Variants in ATP6V1C1 observed in about 807,000 individuals in gnomAD.
ATP6V1C1 encodes the protein ATPase H+ transporting V1 subunit C1.
In ATP6V1C1, 45 loss-of-function variants were observed where a neutral mutation model predicts 53.9. That is an observed-to-expected ratio of 0.83 (90% CI 0.66 to 1.07). The LOEUF (loss-of-function observed/expected upper bound fraction) is 1.07. Among genes scored for constraint, ATP6V1C1 ranks in the 50% least tolerant of loss-of-function variants. The pLI, the probability that ATP6V1C1 is intolerant of heterozygous loss-of-function variation, is 0.00. For synonymous variants in ATP6V1C1, 153 were observed against 155.2 expected (o/e 0.99, Z 0.11); for missense variants, 315 against 440.3 (o/e 0.72, Z 2.55).
rs767825523 is a variant in ATP6V1C1, at chr8:103,062,161, G to GTTTTTT, written c.642-770_642-765dup. Among the ~76,000 whole-genome samples the GTTTTTT allele has an allele frequency of 3.5e-4, 25 of 70,790 alleles. 2 individuals carry two copies. The highest frequency in any genetic ancestry group is 8.3e-4 in the African/African-American group (14 of 16,962). 46.4% of individuals were successfully genotyped at this position (70,790 alleles called of 152,430 possible). A position where few individuals can be genotyped will look rare whatever the true frequency, so the allele number is the denominator to read the frequency against. On this transcript the variant is annotated intron_variant, in intron 8 of 12. Transcript: ENST00000518738. ...TATTTAGACAGTTGTGTTCATCAGGGTTTTTTTTTTTTTTTTTTTTTTTTT... is the reference window on the plus strand; with the variant it reads ...TATTTAGACAGTTGTGTTCATCAGGGTTTTTTTTTTTTTTTTTTTTTTTTTTTTTTT...
chr8:103,047,460 ACAC>A (rs566396485), intron 3 of ATP6V1C1, among the ~76,000 whole-genome samples: 9,710 of 107,244 alleles, frequency 0.091, 692 homozygotes, highest in African/African-American at 0.19. Flanking sequence ...ACACACACAC[ACAC>A]ATTTTTTTTT....
At chr8:103,053,460 T>C (rs948363797) in intron 6 of ATP6V1C1, among the ~76,000 whole-genome samples, 1 of 151,906 alleles carries the variant, frequency 6.6e-6, no homozygotes, top group South Asian at 2.1e-4. Context: ...GAGTTAATTA[T>C]TGGGTTAGCT....
chr8:103,027,345 C>G (rs932220737), intron 1 of ATP6V1C1, among the ~76,000 whole-genome samples: 1 of 152,142 alleles, frequency 6.6e-6, no homozygotes, highest in African/African-American at 2.4e-5. Flanking sequence ...GTTTGGTTTT[C>G]TTGAAAGCAT....
rs777471551 is a variant in ATP6V1C1, at chr8:103,051,139, G to A, written c.376G>A (p.Ala126Thr). 8.1e-6 allele frequency: 13 copies of A among 1,596,140 alleles called. No homozygotes were observed. The South Asian group carries it at 1.2e-4, about 15-fold the overall frequency. The change falls in exon 5 of 13, where the codon GCC (alanine) becomes ACC (threonine). Residue 126 changes from alanine (A) to threonine (T), a missense_variant. Coordinates refer to ENST00000518738, the MANE Select transcript of ATP6V1C1 (RefSeq NM_001695.5). ...QSLKNISEII[A>T]KGVTQIDNDL... ...CCTGAAAAATATTTCTGAAATAATT[G>A]CCAAGGTAAGATAATACTTGAGACA...
At chr8:103,046,112 C>T (rs1233138988) in intron 3 of ATP6V1C1, among the ~76,000 whole-genome samples, 1 of 152,030 alleles carries the variant, frequency 6.6e-6, no homozygotes, top group Non-Finnish European at 1.5e-5. Context: ...TTTATTTATA[C>T]CCTTATTAGT....
chr8:103,025,731 G>T (rs1449175611), intron 1 of ATP6V1C1, among the ~76,000 whole-genome samples: 1 of 152,198 alleles, frequency 6.6e-6, no homozygotes, highest in East Asian at 1.9e-4. Flanking sequence ...AACACATCTT[G>T]TGAGGGAATT....
intron 11 of ATP6V1C1, among the ~76,000 whole-genome samples, chr8:103,065,779 C>G (rs1270648563): frequency 6.6e-6 from 1 of 152,106 alleles, no homozygotes; most frequent in Non-Finnish European, 1.5e-5. Context: ...CGTGGTGGCT[C>G]ATGCCTGTAG....
rs565700326 is a variant in ATP6V1C1, at chr8:103,062,943, T to G, written c.642-12T>G. The G allele has an allele frequency of 4.1e-4, 658 of 1,609,128 alleles. 2 individuals are homozygous for G. The African/African-American group carries it at 7.9e-3, about 19-fold the overall frequency. ...GTATAAATCTTTAAATGGACTTTTTTTTTTTCCATAGTGTTCTTTCAGAGG... is the reference window on the plus strand; with the variant it reads ...GTATAAATCTTTAAATGGACTTTTTGTTTTTCCATAGTGTTCTTTCAGAGG... On this transcript the variant is annotated splice_polypyrimidine_tract_variant and intron_variant, in intron 8 of 12. Transcript: ENST00000518738.
At chr8:103,041,071 A>T in intron 2 of ATP6V1C1, 103 bp downstream of exon 2, 2 of 1,285,336 alleles carry the variant, frequency 1.6e-6, no homozygotes, top group East Asian at 2.6e-5. Flanking sequence ...TCCAAAGAAA[A>T]CCTCCTCTCC....
chr8:103,065,047 T>C (rs776313401), intron 11 of ATP6V1C1, among the ~76,000 whole-genome samples: 2 of 152,220 alleles, frequency 1.3e-5, no homozygotes, highest in Non-Finnish European at 2.9e-5. Flanking sequence ...AGGTTCTTTT[T>C]CTTGTGTAGG....
At chr8:103,063,939 C>G (rs530495070) in intron 10 of ATP6V1C1, among the ~76,000 whole-genome samples, 2 of 152,296 alleles carry the variant, frequency 1.3e-5, no homozygotes, top group Non-Finnish European at 2.9e-5. Flanking sequence ...GAAACTCATT[C>G]TAACCAAGTA....
intron 5 of ATP6V1C1, 124 bp from the exon 6 acceptor site, chr8:103,052,607 A>C: frequency 2.3e-6 from 1 of 438,814 alleles, no homozygotes; most frequent in South Asian, 6.4e-5. Context: ...AAAATAATAG[A>C]ATATTCTTAC....
At chr8:103,064,082 A>G (rs1817448676) in intron 10 of ATP6V1C1, among the ~76,000 whole-genome samples, 1 of 152,182 alleles carries the variant, frequency 6.6e-6, no homozygotes, top group South Asian at 2.1e-4. Context: ...GAGCCTAATA[A>G]TGTTATCCAA....
intron 10 of ATP6V1C1, among the ~76,000 whole-genome samples, chr8:103,064,350 T>A (rs1817453151): frequency 6.6e-6 from 1 of 152,216 alleles, no homozygotes; most frequent in South Asian, 2.1e-4. Context: ...TTACATGTAT[T>A]AAATGTTTTA....
intron 1 of ATP6V1C1, among the ~76,000 whole-genome samples, chr8:103,030,999 C>T (rs1816787982): frequency 6.6e-6 from 1 of 152,086 alleles, no homozygotes; most frequent in African/African-American, 2.4e-5. Context: ...TGTTTGAAAA[C>T]AAGCCTTGGG....
chr8:103,037,283 G>A (rs951294256), intron 1 of ATP6V1C1, among the ~76,000 whole-genome samples: 21 of 151,994 alleles, frequency 1.4e-4, no homozygotes, highest in African/African-American at 4.8e-4. Flanking sequence ...GCAACATTAT[G>A]CAGTTAGATT....
intron 10 of ATP6V1C1, 102 bp downstream of exon 10, chr8:103,063,330 AGACATTT>A: frequency 2.5e-6 from 2 of 786,844 alleles, no homozygotes; most frequent in Non-Finnish European, 3.9e-6. Flanking sequence ...TTTGGTTTTA[AGACATTT>A]GATTTTAGTT....
At chr8:103,032,097 G>T (rs1816807882) in intron 1 of ATP6V1C1, among the ~76,000 whole-genome samples, 1 of 152,060 alleles carries the variant, frequency 6.6e-6, no homozygotes, top group Non-Finnish European at 1.5e-5. Flanking sequence ...GCATCATTAA[G>T]TCAAGCCACA....
intron 7 of ATP6V1C1, 91 bp from the exon 8 acceptor site, chr8:103,055,777 C>A: frequency 8.1e-7 from 1 of 1,228,190 alleles, no homozygotes; most frequent in Non-Finnish European, 1.2e-6. Context: ...AGCCAGATTT[C>A]CTATTTGTCT....
Sources: allele counts gnomAD v4.1 joint callset (sites outside exome capture counted in the v4.1 genomes callset), GRCh38; gene constraint gnomAD v4.1.1; transcripts MANE v1.5; gene names NCBI Gene and HGNC (gene_info 2026-07-23, HGNC 2026-07-21).